The following PCMTD1 variants were observed in gnomAD, a reference collection of about 807,000 sequenced individuals.
PCMTD1 encodes protein-L-isoaspartate O-methyltransferase domain-containing protein 1.
In PCMTD1, 12 loss-of-function variants were observed where a neutral mutation model predicts 37.6. That is an observed-to-expected ratio of 0.32 (90% CI 0.20 to 0.52). The LOEUF is 0.52. PCMTD1 is among the 20% of genes least tolerant of loss of function. PCMTD1 has a pLI of 0.97. For missense variants in PCMTD1, 235 were observed against 421.3 expected, an observed-to-expected ratio of 0.56 and a Z score of 3.87; for synonymous variants, 117 against 135.8, an observed-to-expected ratio of 0.86 and a Z score of 0.96.
At chr8:51,899,045 G>T, upstream of PCMTD1, 1 of 1,506,956 alleles carries the variant, frequency 6.6e-7, no homozygotes, top group African/African-American at 1.4e-5. Flanking sequence ...GTGGAGAGGC[G>T]GGGCCCGGAC....
chr8:51,838,668 T>C (rs1410861321), intron 3 of PCMTD1, among the ~76,000 whole-genome samples: 1 of 152,156 alleles, frequency 6.6e-6, no homozygotes, highest in East Asian at 1.9e-4. Context: ...TTTTCCTCCT[T>C]AGGCCTTGAC....
intron 1 of PCMTD1, chr8:51,895,832 TAAC>T (rs2038991689): frequency 6.6e-6 from 1 of 152,182 alleles, no homozygotes; most frequent in South Asian, 2.1e-4. Flanking sequence ...TTATCATCCT[TAAC>T]AATTGCCAGT....
At chr8:51,899,153 C>T, upstream of PCMTD1, 1 of 1,343,748 alleles carries the variant, frequency 7.4e-7, no homozygotes, top group South Asian at 1.7e-5. Context: ...CCCGCGGACG[C>T]CAAAGTCAAC....
chr8:51,883,265 A>G (rs1351354026), intron 1 of PCMTD1, among the ~76,000 whole-genome samples: 1 of 152,232 alleles, frequency 6.6e-6, no homozygotes, highest in Admixed American at 6.5e-5. Flanking sequence ...ATCAGATTAT[A>G]AAGTATTTAA....
chr8:51,842,697 T>A (rs990588373), intron 3 of PCMTD1, among the ~76,000 whole-genome samples: 1 of 152,128 alleles, frequency 6.6e-6, no homozygotes, highest in Non-Finnish European at 1.5e-5. Context: ...TTTTACCCCC[T>A]CTACTGTATT....
intron 3 of PCMTD1, 27 bp from the exon 4 acceptor site, chr8:51,833,716 T>C: frequency 6.3e-7 from 1 of 1,589,722 alleles, no homozygotes. Context: ...ACATTTTAAT[T>C]CAATTAAGCA....
At chr8:51,831,010 A>AT (rs397719487) in intron 5 of PCMTD1, among the ~76,000 whole-genome samples, 9 of 151,616 alleles carry the variant, frequency 5.9e-5, no homozygotes, top group Non-Finnish European at 1.3e-4. Flanking sequence ...AAAAAAAAAA[A>AT]TTGAGGCCCA....
intron 1 of PCMTD1, among the ~76,000 whole-genome samples, chr8:51,898,592 G>C (rs935637079): frequency 3.3e-5 from 5 of 152,138 alleles, no homozygotes; most frequent in Non-Finnish European, 5.9e-5. Flanking sequence ...GACGAGCCGA[G>C]GACGGGCCGA....
At chr8:51,827,401 CAT>C (rs1345909132) in intron 5 of PCMTD1, 2 of 622,036 alleles carry the variant, frequency 3.2e-6, no homozygotes, top group East Asian at 6.7e-5. Context: ...ATAAGCAATT[CAT>C]ATGTTTTAAA....
intron 1 of PCMTD1, among the ~76,000 whole-genome samples, chr8:51,894,396 G>C (rs1467138109): frequency 6.6e-6 from 1 of 152,164 alleles, no homozygotes; most frequent in Non-Finnish European, 1.5e-5. Context: ...AGTGGATCAG[G>C]AGCCACTCAG....
intron 1 of PCMTD1, among the ~76,000 whole-genome samples, chr8:51,869,340 A>C (rs1383790670): frequency 1.3e-5 from 2 of 152,168 alleles, no homozygotes; most frequent in Non-Finnish European, 2.9e-5. Flanking sequence ...TCAAGAGACC[A>C]AGGTGTAGCC....
intron 3 of PCMTD1, among the ~76,000 whole-genome samples, chr8:51,841,458 G>A (rs1205790283): frequency 1.3e-5 from 2 of 152,118 alleles, no homozygotes; most frequent in African/African-American, 2.4e-5. Context: ...AAAAGGGGAC[G>A]AATATAGGAT....
At position 51,876,009 on chromosome 8, in the gene PCMTD1, CTAT is replaced by C. The variant is rs368759647; in HGVS notation, c.-95-14766_-95-14764del. ...GCGTGCACGCATGCGTGTGTTATCACTATTATATCATTACTGATGTAATATATA... is the reference window on the plus strand; with the variant it reads ...GCGTGCACGCATGCGTGTGTTATCACTATATCATTACTGATGTAATATATA... On this transcript the variant is annotated intron_variant, in intron 1 of 5. Transcript: ENST00000522514. Among the ~76,000 whole-genome samples, 106 of 152,276 alleles carry C rather than the reference CTAT, an allele frequency of 7.0e-4. 1 individual carries two copies. Among genetic ancestry groups the C allele is most frequent in the African/African-American group, 1.9e-3 (80 of 41,546 alleles).
chr8:51,860,567 T>A (rs563364800), intron 2 of PCMTD1: 2 of 284,044 alleles, frequency 7.0e-6, no homozygotes, highest in East Asian at 1.3e-4. Flanking sequence ...AGATTAAATA[T>A]TACTCCTGAG....
intron 2 of PCMTD1, among the ~76,000 whole-genome samples, chr8:51,858,411 T>G (rs1324560460): frequency 6.6e-6 from 1 of 152,226 alleles, no homozygotes; most frequent in Non-Finnish European, 1.5e-5. Context: ...AAAGAACTTT[T>G]GTTAATAAGG....
intron 5 of PCMTD1, among the ~76,000 whole-genome samples, chr8:51,829,925 G>A (rs1261468895): frequency 3.3e-5 from 5 of 151,888 alleles, no homozygotes; most frequent in African/African-American, 4.8e-5. Flanking sequence ...CATTTAAAAG[G>A]CAAACTAAGT....
At chr8:51,832,410 G>A (rs1278395286) in intron 4 of PCMTD1, among the ~76,000 whole-genome samples, 3 of 152,128 alleles carry the variant, frequency 2.0e-5, no homozygotes, top group Non-Finnish European at 1.5e-5. Flanking sequence ...ACAGAGCACA[G>A]TACATGGTGA....
intron 2 of PCMTD1, among the ~76,000 whole-genome samples, chr8:51,856,853 A>C: frequency 6.6e-6 from 1 of 152,216 alleles, no homozygotes; most frequent in East Asian, 1.9e-4. Flanking sequence ...GGACTGGCTG[A>C]GTACTGGGAG....
rs765657891 is a variant in PCMTD1 at position 51,820,438 on chromosome 8, T to C, written c.987A>G (p.Pro329=). 7 of 1,613,008 alleles carry C rather than the reference T, an allele frequency of 4.3e-6. No individual in the cohort carries two copies. The East Asian group carries it at 1.6e-4, about 36-fold the overall frequency. Residue 329 remains proline (P), a synonymous_variant, in exon 6 of 6, where the codon CCA becomes CCG. Coordinates refer to ENST00000522514, the MANE Select transcript of PCMTD1 (RefSeq NM_052937.4). ...DHNEAMKPEE[P]PQNLLREKIM... ...TTTTTTCTCTCAGTAAATTTTGAGG[T>C]GGCTCCTCTGGCTTCATTGCTTCAT...
Sources: allele counts gnomAD v4.1 joint callset (sites outside exome capture counted in the v4.1 genomes callset), GRCh38; gene constraint gnomAD v4.1.1; transcripts MANE v1.5; gene names NCBI Gene and HGNC (gene_info 2026-07-23, HGNC 2026-07-21).